The following DPYSL5 variants were observed in gnomAD, a reference collection of about 807,000 sequenced individuals.
The protein encoded by DPYSL5 is dihydropyrimidinase-related protein 5.
A neutral mutation model predicts 58.4 loss-of-function variants in DPYSL5; 9 were observed. That is an observed-to-expected ratio of 0.15 (90% CI 0.09 to 0.27). The LOEUF (loss-of-function observed/expected upper bound fraction) is 0.27. Ranked by LOEUF, DPYSL5 falls within the 10% of genes least tolerant of loss-of-function variation. DPYSL5 has a pLI of 1.00. For missense variants in DPYSL5, 499 were observed against 770.6 expected (o/e 0.65, Z 4.17); for synonymous variants, 293 against 301.9 (o/e 0.97, Z 0.31).
At chr2:26,889,418 A>T (rs977307547) in intron 1 of DPYSL5, among the ~76,000 whole-genome samples, 1 of 151,986 alleles carries the variant, frequency 6.6e-6, no homozygotes, top group South Asian at 2.1e-4. Context: ...TACAGGCGCC[A>T]GCCACCACGC....
chr2:26,931,767 G>T (rs1664995231), intron 6 of DPYSL5, 83 bp downstream of exon 6: 1 of 1,487,092 alleles, frequency 6.7e-7, no homozygotes, highest in East Asian at 2.3e-5. Context: ...CAGCACTTTG[G>T]GAGGCCGAGG....
In DPYSL5 at chr2:26,877,079, G is replaced by A. The variant is rs1426546466; in HGVS notation, c.-4-21417G>A. 6.8e-6 allele frequency among the ~76,000 whole-genome samples: 1 copy of A among 147,590 alleles called. No homozygotes were observed. Among genetic ancestry groups the A allele is most frequent in the African/African-American group, 2.5e-5 (1 of 39,740 alleles). ...CCTCCCAGGTTCAAGCGATTCTCTT[G>A]CCTCAGCCTCCCGAGTAGCTGGGAT... On this transcript the variant is annotated intron_variant, in intron 1 of 12. Transcript: ENST00000288699. This position sits in a 1 kb window ranked among gnomAD's most constrained non-coding sequence, Gnocchi z 4.1.
Position 26,942,775 on chromosome 2 carries a change from G to A in DPYSL5, c.1440+25G>A, listed in dbSNP as rs764600327. 6.2e-7 allele frequency: 1 copy of A among 1,606,820 alleles called. No homozygotes were observed. Among genetic ancestry groups the A allele is most frequent in the Non-Finnish European group, 8.5e-7 (1 of 1,174,298 alleles). On this transcript the variant is annotated intron_variant, in intron 11 of 12. Transcript: ENST00000288699. This position sits in a 1 kb window ranked among gnomAD's most constrained non-coding sequence, Gnocchi z 5.9. ...GGTGAGGTGGGAGGAGGAAGATGCAGGGGTGTTGGCGCCCCCTGCCGGGGA... is the reference window on the plus strand; with the variant it reads ...GGTGAGGTGGGAGGAGGAAGATGCAAGGGTGTTGGCGCCCCCTGCCGGGGA...
chr2:26,872,381 A>C (rs968612111), intron 1 of DPYSL5, among the ~76,000 whole-genome samples: 1 of 152,178 alleles, frequency 6.6e-6, no homozygotes, highest in African/African-American at 2.4e-5. Context: ...ACTCCACAGA[A>C]GTGTCATCAC....
At chr2:26,887,609 A>C (rs1403028704) in intron 1 of DPYSL5, among the ~76,000 whole-genome samples, 3 of 152,236 alleles carry the variant, frequency 2.0e-5, no homozygotes, top group Non-Finnish European at 2.9e-5. Context: ...ACTCAGCAAG[A>C]TGCTTCCTAT....
intron 2 of DPYSL5, among the ~76,000 whole-genome samples, chr2:26,901,294 C>T (rs1664148266): frequency 6.6e-6 from 1 of 152,092 alleles, no homozygotes; most frequent in Admixed American, 6.5e-5. Flanking sequence ...TCCTTGTGCC[C>T]CAGCCCTCAC....
At chr2:26,850,004 C>A (rs948769626) in intron 1 of DPYSL5, among the ~76,000 whole-genome samples, 1 of 152,176 alleles carries the variant, frequency 6.6e-6, no homozygotes, top group South Asian at 2.1e-4. Flanking sequence ...GAGGTCGCCT[C>A]GGTGCAGCGC....
At chr2:26,896,318 G>A (rs949374994) in intron 1 of DPYSL5, among the ~76,000 whole-genome samples, 2 of 151,968 alleles carry the variant, frequency 1.3e-5, no homozygotes, top group East Asian at 3.9e-4. Flanking sequence ...TCCATATATT[G>A]GCTATTGTGA....
rs1244587347 is a variant in DPYSL5 at position 26,949,961 on chromosome 2, G to C, written c.*2966G>C. ...TTGTTCTTGCCTTAGCTGCTCTCTA[G>C]GTTTGTGGGGTTAAGTTGCCAGAAA... On this transcript the variant is annotated 3_prime_UTR_variant, in exon 13 of 13. Coordinates refer to ENST00000288699, the MANE Select transcript of DPYSL5 (RefSeq NM_020134.4). 6.5e-6 allele frequency: 1 copy of C among 152,718 alleles called. No homozygotes were observed. The highest frequency in any genetic ancestry group is 2.4e-5 in the African/African-American group (1 of 41,460). The allele number at this position is 152,718 out of a possible 1,614,324, so 9.5% of individuals were successfully genotyped here.
At chr2:26,875,138 A>G (rs1195292253) in intron 1 of DPYSL5, among the ~76,000 whole-genome samples, 3 of 152,240 alleles carry the variant, frequency 2.0e-5, no homozygotes, top group Non-Finnish European at 2.9e-5. Flanking sequence ...GTTCTCAGAA[A>G]AGCAACGGAT....
intron 1 of DPYSL5, among the ~76,000 whole-genome samples, chr2:26,856,659 T>C (rs1342272487): frequency 6.6e-6 from 1 of 151,902 alleles, no homozygotes; most frequent in Non-Finnish European, 1.5e-5. Flanking sequence ...GGGTCAGGGA[T>C]ACACACATGT....
At position 26,859,517 on chromosome 2, in the gene DPYSL5, T is replaced by C. The variant is rs541493533; in HGVS notation, c.-5+11263T>C. The stretch of plus-strand genomic sequence containing the variant: ...GCAAATACTTTCTAATCAGCCTTAA[T>C]TGGCAAGTTGGTCATTGAAGAATTT... On this transcript the variant is annotated intron_variant, in intron 1 of 12. Coordinates refer to ENST00000288699, the MANE Select transcript of DPYSL5 (RefSeq NM_020134.4). Among the ~76,000 whole-genome samples the C allele has an allele frequency of 1.7e-3, 264 of 152,324 alleles. 2 individuals are homozygous for C. Among genetic ancestry groups the C allele is most frequent in the Non-Finnish European group, 3.1e-3 (211 of 68,026 alleles).
At chr2:26,926,811 C>T (rs927124363) in intron 3 of DPYSL5, among the ~76,000 whole-genome samples, 6 of 152,160 alleles carry the variant, frequency 3.9e-5, no homozygotes, top group African/African-American at 1.4e-4. Context: ...ACTCTCATAA[C>T]TTTGTTCATG....
intron 1 of DPYSL5, among the ~76,000 whole-genome samples, chr2:26,873,656 C>A (rs1369195066): frequency 6.6e-6 from 1 of 152,200 alleles, no homozygotes; most frequent in Admixed American, 6.5e-5. Context: ...GGCTTGTCAC[C>A]TGTTTCTGTA....
intron 1 of DPYSL5, among the ~76,000 whole-genome samples, chr2:26,873,815 C>T (rs1166221205): frequency 9.2e-5 from 14 of 152,198 alleles, no homozygotes; most frequent in Admixed American, 9.2e-4. Context: ...CTTCTTTACT[C>T]GGTCTACTGA....
chr2:26,925,283 C>A lies in DPYSL5; in HGVS notation c.420+238C>A, dbSNP rs1664801742. Among the ~76,000 whole-genome samples the A allele has an allele frequency of 6.6e-6, 1 of 152,138 alleles. No individual in the cohort carries two copies. The highest frequency in any genetic ancestry group is 6.5e-5 in the Admixed American group (1 of 15,282). On this transcript the variant is annotated intron_variant, in intron 3 of 12. Coordinates refer to ENST00000288699, the MANE Select transcript of DPYSL5 (RefSeq NM_020134.4). This position sits in a 1 kb window ranked among gnomAD's most constrained non-coding sequence, Gnocchi z 4.5. ...AGAGAGGCCAAGGCCAGAGCCCAGG[C>A]CTTGGGGATGCAGTTTCATTGCTCT... is the stretch of plus-strand genomic sequence containing the variant.
chr2:26,928,752 CGTGT>C (rs775375591), intron 5 of DPYSL5, among the ~76,000 whole-genome samples: 1 of 86,704 alleles, frequency 1.2e-5, no homozygotes, highest in African/African-American at 4.2e-5. Context: ...CACACACATA[CGTGT>C]GTGCGTGTGT....
intron 2 of DPYSL5, among the ~76,000 whole-genome samples, chr2:26,921,760 C>T (rs771998067): frequency 3.3e-5 from 5 of 152,138 alleles, no homozygotes; most frequent in East Asian, 1.9e-4. Flanking sequence ...GGGGTAACAG[C>T]GGTAATAATT....
intron 1 of DPYSL5, among the ~76,000 whole-genome samples, chr2:26,861,127 A>T (rs1666000669): frequency 6.6e-6 from 1 of 152,180 alleles, no homozygotes; most frequent in South Asian, 2.1e-4. Flanking sequence ...CCGAAATAAG[A>T]CACAAGCATA....
Sources: gnomAD v4.1 joint callset for allele counts (sites outside exome capture counted in the v4.1 genomes callset) on GRCh38, gnomAD v4.1.1 for gene constraint, Gnocchi (gnomAD v3.1) non-coding constraint, MANE v1.5 for transcripts, NCBI Gene and HGNC (gene_info 2026-07-23, HGNC 2026-07-21) for gene names.